The following NCALD variants were observed in gnomAD, a reference collection of about 807,000 sequenced individuals.
The protein encoded by NCALD is neurocalcin delta.
Under a neutral mutation model 18.6 loss-of-function variants are expected in NCALD, and 10 were observed. That is an observed-to-expected ratio of 0.54 (90% CI 0.33 to 0.91). The LOEUF (loss-of-function observed/expected upper bound fraction) is 0.91. NCALD is among the 40% of genes least tolerant of loss of function. The pLI, the probability that NCALD is intolerant of heterozygous loss-of-function variation, is 0.03. For missense variants in NCALD, 184 were observed against 247.6 expected (o/e 0.74, Z 1.72); for synonymous variants, 88 against 87.4 (o/e 1.01, Z -0.04).
chr8:102,086,546 T>A (rs149262150), intron 1 of NCALD, among the ~76,000 whole-genome samples: 304 of 152,298 alleles, frequency 2.0e-3, no homozygotes, highest in African/African-American at 7.0e-3. Context: ...TCCTCTTGAA[T>A]CAAGTCACTA....
intron 2 of NCALD, among the ~76,000 whole-genome samples, chr8:101,969,167 C>T (rs1337743202): frequency 6.6e-6 from 1 of 152,172 alleles, no homozygotes; most frequent in Non-Finnish European, 1.5e-5. Flanking sequence ...TTGTTCCTTG[C>T]AGTTCTCAGC....
At chr8:102,031,404 T>C (rs1822665335) in intron 1 of NCALD, among the ~76,000 whole-genome samples, 1 of 152,168 alleles carries the variant, frequency 6.6e-6, no homozygotes, top group South Asian at 2.1e-4. Context: ...GTCCAGGTAA[T>C]GGTTATTTAT....
chr8:101,911,346 TC>T (rs1319277038), intron 3 of NCALD, among the ~76,000 whole-genome samples: 1 of 148,076 alleles, frequency 6.8e-6, no homozygotes, highest in Non-Finnish European at 1.5e-5. Flanking sequence ...ATTTCTCTTT[TC>T]TTTTTTTTCT....
chr8:102,030,650 C>T (rs183826699), intron 1 of NCALD, among the ~76,000 whole-genome samples: 237 of 152,148 alleles, frequency 1.6e-3, no homozygotes, highest in African/African-American at 5.1e-3. Flanking sequence ...CGGAGTTGGG[C>T]GGATCACTTG....
At chr8:102,098,092 C>T (rs978949964) in intron 1 of NCALD, among the ~76,000 whole-genome samples, 4 of 152,096 alleles carry the variant, frequency 2.6e-5, no homozygotes, top group African/African-American at 7.2e-5. Flanking sequence ...GTGGGTGGGG[C>T]GTGAATACAT....
intron 2 of NCALD, among the ~76,000 whole-genome samples, chr8:101,941,487 C>T (rs1818954693): frequency 6.6e-6 from 1 of 152,204 alleles, no homozygotes; most frequent in Admixed American, 6.5e-5. Flanking sequence ...CCCGGGACCC[C>T]TGACACAGAC....
chr8:101,892,809 G>C (rs1014198833), intron 3 of NCALD, among the ~76,000 whole-genome samples: 35 of 149,696 alleles, frequency 2.3e-4, no homozygotes, highest in Middle Eastern at 6.8e-3. Flanking sequence ...GGGAAGTTTA[G>C]AGAAAAAAGA....
chr8:101,703,864 A>G (rs1379235796), intron 2 of NCALD, among the ~76,000 whole-genome samples: 1 of 152,104 alleles, frequency 6.6e-6, no homozygotes, highest in African/African-American at 2.4e-5. Context: ...CACAAGACTG[A>G]CTACACACAA....
chr8:101,964,378 C>T (rs1819946646), intron 2 of NCALD, among the ~76,000 whole-genome samples: 1 of 152,068 alleles, frequency 6.6e-6, no homozygotes, highest in South Asian at 2.1e-4. Context: ...TGGTGTAATC[C>T]AACAGAAATT....
chr8:101,892,794 G>A (rs1477754128), intron 3 of NCALD, among the ~76,000 whole-genome samples: 3 of 149,992 alleles, frequency 2.0e-5, no homozygotes, highest in East Asian at 3.9e-4. Context: ...GGAATGAAGC[G>A]AGAAGGGAAG....
intron 3 of NCALD, among the ~76,000 whole-genome samples, chr8:101,903,446 C>T (rs981454869): frequency 6.6e-6 from 1 of 152,170 alleles, no homozygotes; most frequent in Non-Finnish European, 1.5e-5. Flanking sequence ...CCGCCCACCT[C>T]AGCCTCCCAA....
At chr8:101,913,298 A>G (rs1421076064) in intron 3 of NCALD, among the ~76,000 whole-genome samples, 1 of 152,192 alleles carries the variant, frequency 6.6e-6, no homozygotes, top group Non-Finnish European at 1.5e-5. Context: ...CTTGAAAAAA[A>G]GCTCTGATTT....
intron 4 of NCALD, among the ~76,000 whole-genome samples, chr8:101,866,006 A>T (rs1237457067): frequency 6.6e-6 from 1 of 152,182 alleles, no homozygotes. Context: ...CTAGTGCTCC[A>T]GTACTTGAGA....
chr8:101,842,885 G>A (rs1336475590), intron 4 of NCALD, among the ~76,000 whole-genome samples: 2 of 152,162 alleles, frequency 1.3e-5, no homozygotes, highest in Non-Finnish European at 2.9e-5. Context: ...GGGAGAGAGA[G>A]AGAAAGGAGA....
rs145524650 is a variant in NCALD, at chr8:101,837,321, C to T, written c.-20+49820G>A. ...AACAGAGTCCTCTCAGTGTCTAGTG[C>T]GGTTTTCTACAAATAACATATATCA... On this transcript the variant is annotated intron_variant, in intron 4 of 6. Coordinates refer to the NCALD transcript ENST00000311028. Among the ~76,000 whole-genome samples, 114 of 152,240 alleles carry T rather than the reference C, an allele frequency of 7.5e-4. No homozygotes were observed. In the East Asian group the frequency reaches 0.019, roughly 26 times the overall value.
intron 4 of NCALD, among the ~76,000 whole-genome samples, chr8:101,807,389 G>A (rs1417707158): frequency 6.6e-6 from 1 of 152,124 alleles, no homozygotes; most frequent in Non-Finnish European, 1.5e-5. Context: ...CAAAGGAAAA[G>A]GGGGAAGAGC....
chr8:101,805,987 T>C (rs1478146174), intron 4 of NCALD, among the ~76,000 whole-genome samples: 2 of 151,888 alleles, frequency 1.3e-5, no homozygotes, highest in African/African-American at 4.8e-5. Context: ...AACAGCTGGG[T>C]GTGATATCAA....
chr8:101,711,174 G>C (rs1401479415), intron 2 of NCALD, among the ~76,000 whole-genome samples: 1 of 152,138 alleles, frequency 6.6e-6, no homozygotes, highest in Non-Finnish European at 1.5e-5. Flanking sequence ...CAGAAGAGGG[G>C]CCTGCCTGCT....
intron 2 of NCALD, among the ~76,000 whole-genome samples, chr8:101,969,354 A>AT (rs1563942809): frequency 6.6e-6 from 1 of 151,964 alleles, no homozygotes; most frequent in Non-Finnish European, 1.5e-5. Context: ...GTGGGTTTCT[A>AT]TTATTCAAGA....
Sources: gnomAD v4.1 joint callset for allele counts (sites outside exome capture counted in the v4.1 genomes callset) on GRCh38, gnomAD v4.1.1 for gene constraint, MANE v1.5 for transcripts, NCBI Gene and HGNC (gene_info 2026-07-23, HGNC 2026-07-21) for gene names.